The following ADAMTSL3 variants were observed in gnomAD, a reference collection of about 807,000 sequenced individuals.
The protein encoded by ADAMTSL3 is ADAMTS like 3.
Under a neutral mutation model 201.7 loss-of-function variants are expected in ADAMTSL3, and 128 were observed. The observed-to-expected ratio is 0.63, with a 90% CI of 0.55 to 0.73. The LOEUF is 0.73. ADAMTSL3 is among the 30% of genes least tolerant of loss of function. The probability of loss-of-function intolerance (pLI) is 0.00; values close to 1 mark genes in which losing one functional copy is unlikely to be tolerated. For synonymous variants in ADAMTSL3, 738 were observed against 748.4 expected (o/e 0.99, Z 0.23); for missense variants, 1,990 against 2,119.6 (o/e 0.94, Z 1.20).
rs977675355 is a variant in ADAMTSL3, at chr15:83,654,817, C to T, written c.-34+541C>T. On this transcript the variant is annotated intron_variant, in intron 1 of 29. Coordinates refer to ENST00000286744, the MANE Select transcript of ADAMTSL3 (RefSeq NM_207517.3). The surrounding 1 kb of genome is among the most constrained non-coding windows in gnomAD (Gnocchi z 5.3). ...GCGAGGGTGGCGCAGAGTCCCAGGGCCCCGCACTGGCCGCCTCCCTTCAGC... is the reference window on the plus strand; with the variant it reads ...GCGAGGGTGGCGCAGAGTCCCAGGGTCCCGCACTGGCCGCCTCCCTTCAGC... 3.9e-5 allele frequency among the ~76,000 whole-genome samples: 6 copies of T among 152,134 alleles called. No homozygotes were observed. Among genetic ancestry groups the T allele is most frequent in the African/African-American group, 1.4e-4 (6 of 41,434 alleles).
At chr15:84,033,831 G>A (rs2068451083) in intron 28 of ADAMTSL3, among the ~76,000 whole-genome samples, 2 of 152,078 alleles carry the variant, frequency 1.3e-5, no homozygotes, top group African/African-American at 4.8e-5. Flanking sequence ...AAAATAAGAG[G>A]CAGAAAATGT....
chr15:83,803,321 C>CT (rs1290259807), intron 4 of ADAMTSL3, among the ~76,000 whole-genome samples: 3 of 152,098 alleles, frequency 2.0e-5, no homozygotes, highest in South Asian at 2.1e-4. Context: ...ATTGCTGACT[C>CT]TATCAGTCAT....
At chr15:83,760,871 C>G (rs1385400628) in intron 3 of ADAMTSL3, among the ~76,000 whole-genome samples, 6 of 151,988 alleles carry the variant, frequency 3.9e-5, no homozygotes, top group Non-Finnish European at 5.9e-5. Context: ...TAAGGAATGT[C>G]TCTTTTAAAC....
At chr15:83,805,127 C>T (rs1024470927) in intron 5 of ADAMTSL3, among the ~76,000 whole-genome samples, 6 of 152,164 alleles carry the variant, frequency 3.9e-5, no homozygotes, top group African/African-American at 1.2e-4. Context: ...TTGAACTGGT[C>T]TGTTGTTATT....
At chr15:83,938,535 A>C (rs1402029940) in intron 17 of ADAMTSL3, among the ~76,000 whole-genome samples, 2 of 152,174 alleles carry the variant, frequency 1.3e-5, no homozygotes, top group African/African-American at 4.8e-5. Flanking sequence ...CTGTCATTTT[A>C]AAAAAAGCAT....
At position 83,709,446 on chromosome 15, in the gene ADAMTSL3, A is replaced by C. The variant is rs116905118; in HGVS notation, c.189+4938A>C. On this transcript the variant is annotated intron_variant, in intron 3 of 29. Coordinates refer to ENST00000286744, the MANE Select transcript of ADAMTSL3 (RefSeq NM_207517.3). Reference sequence around the variant, plus strand: ...GGGGTAGATTCTTTGGTCATTCCTCATAGTGGTTTTGGAGTTTTGTCCCAT... The same window carrying C: ...GGGGTAGATTCTTTGGTCATTCCTCCTAGTGGTTTTGGAGTTTTGTCCCAT... 7.2e-3 allele frequency among the ~76,000 whole-genome samples: 1,093 copies of C among 152,244 alleles called. 9 individuals carry two copies. The highest frequency in any genetic ancestry group is 9.8e-3 in the Non-Finnish European group (664 of 68,020).
intron 20 of ADAMTSL3, among the ~76,000 whole-genome samples, chr15:83,972,054 G>C (rs1175140685): frequency 6.6e-6 from 1 of 151,820 alleles, no homozygotes; most frequent in Non-Finnish European, 1.5e-5. Context: ...TTACTATGTG[G>C]AGTTCTTTGC....
At chr15:83,697,695 C>T (rs1474979519) in intron 2 of ADAMTSL3, among the ~76,000 whole-genome samples, 1 of 152,180 alleles carries the variant, frequency 6.6e-6, no homozygotes, top group East Asian at 1.9e-4. Flanking sequence ...GTGCCACCTC[C>T]AGGCACACAG....
At chr15:83,784,667 A>T (rs1397567393) in intron 4 of ADAMTSL3, among the ~76,000 whole-genome samples, 2 of 152,134 alleles carry the variant, frequency 1.3e-5, no homozygotes, top group Non-Finnish European at 2.9e-5. Context: ...TTATACACAT[A>T]TCTTGTTTTT....
chr15:83,952,617 G>C (rs1440065252), intron 19 of ADAMTSL3, among the ~76,000 whole-genome samples: 1 of 151,964 alleles, frequency 6.6e-6, no homozygotes, highest in African/African-American at 2.4e-5. Context: ...ATATCTGAGT[G>C]CTCCAGTGTT....
chr15:83,863,106 C>G (rs1480978481), intron 8 of ADAMTSL3, among the ~76,000 whole-genome samples: 1 of 152,100 alleles, frequency 6.6e-6, no homozygotes, highest in Non-Finnish European at 1.5e-5. Flanking sequence ...ACAGGAACAC[C>G]CAGATTCATA....
At chr15:84,016,615 C>A in intron 25 of ADAMTSL3, 116 bp downstream of exon 25, 1 of 857,766 alleles carries the variant, frequency 1.2e-6, no homozygotes, top group Non-Finnish European at 1.8e-6. Flanking sequence ...TATTTCTAGG[C>A]ATTTGGCCAG....
intron 4 of ADAMTSL3, among the ~76,000 whole-genome samples, chr15:83,775,653 A>G (rs918913674): frequency 6.6e-6 from 1 of 152,120 alleles, no homozygotes; most frequent in Non-Finnish European, 1.5e-5. Context: ...TCTTGGCTTT[A>G]TTGTTGAGAG....
chr15:83,719,033 A>G (rs1338489506), intron 3 of ADAMTSL3, among the ~76,000 whole-genome samples: 1 of 152,228 alleles, frequency 6.6e-6, no homozygotes, highest in Non-Finnish European at 1.5e-5. Context: ...GAACTGATAT[A>G]TGCATTGAAT....
chr15:83,937,595 C>T (rs951767311), intron 17 of ADAMTSL3, among the ~76,000 whole-genome samples: 1 of 150,812 alleles, frequency 6.6e-6, no homozygotes, highest in East Asian at 1.9e-4. Flanking sequence ...ATAATCTGTA[C>T]ACCAAATGCC....
intron 4 of ADAMTSL3, among the ~76,000 whole-genome samples, chr15:83,799,618 T>C (rs1176476888): frequency 6.6e-6 from 1 of 152,174 alleles, no homozygotes; most frequent in Non-Finnish European, 1.5e-5. Flanking sequence ...TGCTATGAAC[T>C]CCAGGGAAAT....
intron 3 of ADAMTSL3, chr15:83,717,542 T>G (rs1455574136): frequency 3.3e-5 from 5 of 152,132 alleles, no homozygotes; most frequent in African/African-American, 1.2e-4. Flanking sequence ...CAGTTAGTTG[T>G]AAGGGAAGGG....
chr15:83,665,277 G>C (rs992099619), intron 2 of ADAMTSL3, among the ~76,000 whole-genome samples: 18 of 152,092 alleles, frequency 1.2e-4, no homozygotes, highest in African/African-American at 4.3e-4. Flanking sequence ...GACACGTGAG[G>C]GTGGAAATTC....
intron 25 of ADAMTSL3, 106 bp downstream of exon 25, chr15:84,016,605 T>C (rs911268800): frequency 2.1e-6 from 2 of 953,736 alleles, no homozygotes; most frequent in African/African-American, 3.3e-5. Context: ...TATGTAAAAT[T>C]ATTTCTAGGC....
Sources: gnomAD v4.1 joint callset for allele counts (sites outside exome capture counted in the v4.1 genomes callset) on GRCh38, gnomAD v4.1.1 for gene constraint, Gnocchi (gnomAD v3.1) non-coding constraint, MANE v1.5 for transcripts, NCBI Gene and HGNC (gene_info 2026-07-23, HGNC 2026-07-21) for gene names.